AP3B2: variants seen among roughly 807,000 people sequenced by gnomAD.
AP3B2 encodes adaptor related protein complex 3 subunit beta 2.
In AP3B2, 50 loss-of-function variants were observed where a neutral mutation model predicts 126.9. The observed-to-expected ratio is 0.39, with a 90% CI of 0.31 to 0.50. AP3B2 has a LOEUF of 0.50. Among genes scored for constraint, AP3B2 ranks in the 20% least tolerant of loss-of-function variants. The pLI, the probability that AP3B2 is intolerant of heterozygous loss-of-function variation, is 0.79. For synonymous variants in AP3B2, 541 were observed against 565.0 expected (o/e 0.96, Z 0.60); for missense variants, 1,177 against 1,426.4 (o/e 0.83, Z 2.82).
chr15:82,695,198 G>A (rs982909123), intron 1 of AP3B2, among the ~76,000 whole-genome samples: 2 of 150,388 alleles, frequency 1.3e-5, no homozygotes, highest in African/African-American at 4.9e-5. Context: ...CTTCTGGGTT[G>A]AAGCAATTCT....
intron 1 of AP3B2, among the ~76,000 whole-genome samples, chr15:82,694,752 G>T (rs1349811682): frequency 6.6e-6 from 1 of 151,910 alleles, no homozygotes; most frequent in Non-Finnish European, 1.5e-5. Flanking sequence ...TTTGCTCACA[G>T]TTCTGGAGGC....
In AP3B2 at chr15:82,661,925, G is replaced by T. The variant is rs1354966223; in HGVS notation, c.2919-3C>A. 1 of 1,612,260 alleles carries T rather than the reference G, an allele frequency of 6.2e-7. No individual in the cohort carries two copies. The highest frequency in any genetic ancestry group is 2.2e-5 in the East Asian group (1 of 44,886). ...CGTAGAACTGTCGGGTCTGGGTGCT[G>T]GGAGGGGTGGGAGGAAACGGAGAAG... On this transcript the variant is annotated splice_region_variant and splice_polypyrimidine_tract_variant and intron_variant, in intron 24 of 26. Coordinates refer to ENST00000535359, the MANE Select transcript of AP3B2 (RefSeq NM_001278512.2).
At position 82,665,249 on chromosome 15, in the gene AP3B2, CAG is replaced by C; in HGVS notation, c.2024_2025del (p.Thr675ArgfsTer4). ...CACACGTCACACGAAGGTGGGACCT[CAG>C]TGTATTCGCCCAACAGGCCCACGTG... ...ETHVGLLGEY[T>X]EVPEWTKCSN... On this transcript the variant is annotated frameshift_variant, in exon 17 of 27. Coordinates refer to ENST00000535359, the MANE Select transcript of AP3B2 (RefSeq NM_001278512.2). LOFTEE classifies it high-confidence loss of function. This position sits in a 1 kb window ranked among gnomAD's most constrained non-coding sequence, Gnocchi z 4.4. The C allele has an allele frequency of 6.5e-7, 1 of 1,538,758 alleles. No homozygotes were observed. The highest frequency in any genetic ancestry group is 8.7e-7 in the Non-Finnish European group (1 of 1,148,178).
chr15:82,695,204 A>G (rs35728728), intron 1 of AP3B2, among the ~76,000 whole-genome samples: 19,554 of 151,062 alleles, frequency 0.13, 1,663 homozygotes, highest in Non-Finnish European at 0.2. Context: ...GGTTGAAGCA[A>G]TTCTCCTGCC....
At chr15:82,677,119 G>A (rs2048255637) in intron 13 of AP3B2, among the ~76,000 whole-genome samples, 155 bp downstream of exon 13, 1 of 152,186 alleles carries the variant, frequency 6.6e-6, no homozygotes, top group South Asian at 2.1e-4. Flanking sequence ...GGGGTAACAA[G>A]GTCAGGGTCA....
chr15:82,693,228 A>C (rs1180485528), intron 1 of AP3B2, among the ~76,000 whole-genome samples: 1 of 120,904 alleles, frequency 8.3e-6, no homozygotes, highest in African/African-American at 3.1e-5. Flanking sequence ...AATAAATGCT[A>C]TTGGGACAAC....
At chr15:82,707,900 G>A (rs573050186) in intron 1 of AP3B2, among the ~76,000 whole-genome samples, 6 of 151,988 alleles carry the variant, frequency 3.9e-5, no homozygotes, top group Admixed American at 6.6e-5. Flanking sequence ...AATCCCGCTC[G>A]AAGCAGCCCT....
intron 4 of AP3B2, chr15:82,688,291 A>G (rs1270163548): frequency 1.6e-6 from 1 of 628,632 alleles, no homozygotes; most frequent in African/African-American, 1.8e-5. Flanking sequence ...AAATCCAACT[A>G]GAGGCCTTGG....
intron 25 of AP3B2, 52 bp from the exon 26 acceptor site, chr15:82,660,035 A>G: frequency 6.3e-7 from 1 of 1,587,736 alleles, no homozygotes; most frequent in Non-Finnish European, 8.6e-7. Flanking sequence ...TACAGAGGCC[A>G]GCACCTGGGT....
rs369371843 is a variant in AP3B2 at position 82,678,141 on chromosome 15, A to T, written c.1209T>A (p.Asn403Lys). 1 of 1,612,488 alleles carries T rather than the reference A, an allele frequency of 6.2e-7. No homozygotes were observed. Among genetic ancestry groups the T allele is most frequent in the South Asian group, 1.1e-5 (1 of 91,022 alleles). ...GTAGGACAGTAGGAATGTTGGTCTC[A>T]TTGGCCAGGTTGGTCAGCACTTCCA... The part of the protein sequence containing the change: ...LKLEVLTNLA[N>K]ETNIPTVLRE... The change falls in exon 11 of 27, where the codon AAT becomes AAA. Residue 403 changes from asparagine (N) to lysine (K), a missense_variant. Coordinates refer to ENST00000535359, the MANE Select transcript of AP3B2 (RefSeq NM_001278512.2).
At chr15:82,676,105 A>G (rs1265548450) in intron 14 of AP3B2, among the ~76,000 whole-genome samples, 2 of 152,286 alleles carry the variant, frequency 1.3e-5, no homozygotes, top group Admixed American at 1.3e-4. Flanking sequence ...CACAGACCAC[A>G]TCTGGGATGC....
At chr15:82,662,445 C>G in intron 23 of AP3B2, 193 bp from the exon 24 acceptor site, 1 of 647,318 alleles carries the variant, frequency 1.5e-6, no homozygotes, top group Non-Finnish European at 2.7e-6. Context: ...CCCACTCACC[C>G]TCACCACATT....
intron 1 of AP3B2, among the ~76,000 whole-genome samples, chr15:82,703,258 C>G (rs979780965): frequency 6.6e-6 from 1 of 151,752 alleles, no homozygotes; most frequent in Admixed American, 6.6e-5. Flanking sequence ...GGGGCAAGTA[C>G]CCCCCACCCC....
intron 10 of AP3B2, among the ~76,000 whole-genome samples, chr15:82,679,011 G>C (rs2048287247): frequency 6.6e-6 from 1 of 152,234 alleles, no homozygotes; most frequent in Non-Finnish European, 1.5e-5. Flanking sequence ...TTGCAGGAGA[G>C]CCTGAGGGGG....
At chr15:82,705,563 T>C (rs868538447) in intron 1 of AP3B2, among the ~76,000 whole-genome samples, 15 of 152,322 alleles carry the variant, frequency 9.8e-5, no homozygotes, top group Non-Finnish European at 1.8e-4. Context: ...TCGCTTTCAC[T>C]TGGACTGTCC....
rs543464683 is a variant in AP3B2 at position 82,702,553 on chromosome 15, TC to T, written c.113+7040del. 1.0e-3 allele frequency among the ~76,000 whole-genome samples: 152 copies of T among 151,780 alleles called. 1 individual carries two copies. The highest frequency in any genetic ancestry group is 3.5e-3 in the African/African-American group (146 of 41,360). Reference sequence around the variant, plus strand: ...TCCTGGCTCATCCTGGCTCAAAAGCTCCCCCACTGAGCACCTTGTGTCCCCC... The same window carrying T: ...TCCTGGCTCATCCTGGCTCAAAAGCTCCCCACTGAGCACCTTGTGTCCCCC... On this transcript the variant is annotated intron_variant, in intron 1 of 26. Coordinates refer to ENST00000535359, the MANE Select transcript of AP3B2 (RefSeq NM_001278512.2).
chr15:82,664,378 T>G lies in AP3B2; in HGVS notation c.2250A>C (p.Arg750Ser). The G allele has an allele frequency of 6.2e-7, 1 of 1,613,800 alleles. No homozygotes were observed. Among genetic ancestry groups the G allele is most frequent in the Non-Finnish European group, 8.5e-7 (1 of 1,179,834 alleles). Reference protein sequence around the residue: ...EDQDEDEEKGRGSESEQSEED... With the variant: ...EDQDEDEEKGSGSESEQSEED... Reference sequence around the variant, plus strand: ...AGCTCCCTTCTCACCTCTCACTGCCTCTCCCTTTCTCCTCATCCTCATCCT... The same window carrying G: ...AGCTCCCTTCTCACCTCTCACTGCCGCTCCCTTTCTCCTCATCCTCATCCT... Residue 750 changes from arginine to serine, a missense_variant, in exon 19 of 27, where the codon AGA becomes AGC. Arg to Ser is a moderately radical substitution (Grantham distance 110). Transcript: ENST00000535359. The surrounding 1 kb of genome is among the most constrained non-coding windows in gnomAD (Gnocchi z 4.5).
chr15:82,701,724 A>T (rs926030084), intron 1 of AP3B2, among the ~76,000 whole-genome samples: 5 of 152,246 alleles, frequency 3.3e-5, no homozygotes, highest in Non-Finnish European at 7.3e-5. Context: ...TAGATGGATG[A>T]TATACATGTG....
intron 21 of AP3B2, 81 bp downstream of exon 21, chr15:82,663,479 C>T (rs2151428277): frequency 3.3e-6 from 5 of 1,496,222 alleles, no homozygotes; most frequent in East Asian, 2.3e-5. Flanking sequence ...CTGAGGAACC[C>T]GATCCAGAGT....
Sources: allele counts gnomAD v4.1 joint callset (sites outside exome capture counted in the v4.1 genomes callset), GRCh38; gene constraint gnomAD v4.1.1; non-coding constraint Gnocchi (gnomAD v3.1); transcripts MANE v1.5; gene names NCBI Gene and HGNC (gene_info 2026-07-23, HGNC 2026-07-21).